The following CDIN1 variants were observed in gnomAD, a reference collection of about 807,000 sequenced individuals.
The protein encoded by CDIN1 is CDAN1 interacting nuclease 1.
In CDIN1, 33 loss-of-function variants were observed where a neutral mutation model predicts 45.3. That is an observed-to-expected ratio of 0.73 (90% CI 0.55 to 0.97). The LOEUF (loss-of-function observed/expected upper bound fraction) is 0.97. Ranked by LOEUF, CDIN1 falls within the 50% of genes least tolerant of loss-of-function variation. CDIN1 has a pLI of 0.00. For missense variants in CDIN1, 303 were observed against 339.4 expected (o/e 0.89, Z 0.84); for synonymous variants, 118 against 124.4 (o/e 0.95, Z 0.34).
intron 1 of CDIN1, among the ~76,000 whole-genome samples, chr15:36,587,480 G>T (rs1375980321): frequency 1.3e-5 from 2 of 151,974 alleles, no homozygotes; most frequent in African/African-American, 4.8e-5. Flanking sequence ...GGTTCTTGGT[G>T]GTGAACTTAG....
At chr15:36,804,575 C>T (rs1054331856) in intron 10 of CDIN1, 2 of 150,512 alleles carry the variant, frequency 1.3e-5, no homozygotes, top group African/African-American at 4.9e-5. Flanking sequence ...GAGGGATACT[C>T]ACTAGGAAAC....
chr15:36,591,391 T>C (rs2140188079), intron 1 of CDIN1, among the ~76,000 whole-genome samples: 1 of 152,300 alleles, frequency 6.6e-6, no homozygotes, highest in East Asian at 1.9e-4. Context: ...GCTAAGATGG[T>C]AAATGGACTG....
intron 1 of CDIN1, 55 bp from the exon 2 acceptor site, chr15:36,644,223 G>T (rs377728855): frequency 3.2e-6 from 5 of 1,551,078 alleles, no homozygotes; most frequent in Non-Finnish European, 3.6e-6. Context: ...TTTCTCTTTT[G>T]TTTCTTTGCC....
intron 10 of CDIN1, among the ~76,000 whole-genome samples, chr15:36,794,257 A>G (rs2054731097): frequency 6.6e-6 from 1 of 151,922 alleles, no homozygotes; most frequent in Non-Finnish European, 1.5e-5. Flanking sequence ...GACGGGTTTC[A>G]CTGTGTTAGC....
chr15:36,605,072 A>G (rs74008666), intron 1 of CDIN1, among the ~76,000 whole-genome samples: 5,603 of 152,288 alleles, frequency 0.037, 359 homozygotes, highest in African/African-American at 0.13. Context: ...TGATGATTAT[A>G]TCAGACTTTC....
At chr15:36,596,449 G>A (rs942936922) in intron 1 of CDIN1, among the ~76,000 whole-genome samples, 1 of 152,010 alleles carries the variant, frequency 6.6e-6, no homozygotes, top group South Asian at 2.1e-4. Flanking sequence ...ATAAAGTGGA[G>A]TTTTTCTTAG....
chr15:36,647,976 A>T (rs550727807), intron 3 of CDIN1, among the ~76,000 whole-genome samples: 3 of 151,822 alleles, frequency 2.0e-5, no homozygotes, highest in African/African-American at 7.2e-5. Context: ...GGTGGCTGGG[A>T]CTACAGGTGC....
At chr15:36,632,183 C>T (rs2381819) in intron 1 of CDIN1, among the ~76,000 whole-genome samples, 11,521 of 152,176 alleles carry the variant, frequency 0.076, 478 homozygotes, top group Middle Eastern at 0.13. Context: ...TCCAAAGCGG[C>T]TACACCATTT....
At chr15:36,625,465 A>G (rs1433229480) in intron 1 of CDIN1, among the ~76,000 whole-genome samples, 2 of 152,346 alleles carry the variant, frequency 1.3e-5, no homozygotes, top group South Asian at 2.1e-4. Flanking sequence ...GATTTCATAC[A>G]TTGAAGAATT....
chr15:36,672,715 T>A (rs2041496664), intron 5 of CDIN1, among the ~76,000 whole-genome samples: 1 of 151,872 alleles, frequency 6.6e-6, no homozygotes, highest in Non-Finnish European at 1.5e-5. Flanking sequence ...AATGGCTAAC[T>A]TTTCACCAAT....
chr15:36,635,298 T>C (rs1250292201), intron 1 of CDIN1, among the ~76,000 whole-genome samples: 1 of 152,230 alleles, frequency 6.6e-6, no homozygotes, highest in African/African-American at 2.4e-5. Context: ...TTTCAGCCTT[T>C]AGATTTTTTA....
intron 10 of CDIN1, among the ~76,000 whole-genome samples, chr15:36,791,842 G>T (rs11639388): frequency 0.86 from 130,724 of 152,128 alleles, 59,713 homozygotes; most frequent in Non-Finnish European, 1. Flanking sequence ...GGCTGACAGG[G>T]ACTACACCTA....
At chr15:36,698,077 A>C (rs1235864189) in intron 8 of CDIN1, among the ~76,000 whole-genome samples, 1 of 152,182 alleles carries the variant, frequency 6.6e-6, no homozygotes, top group African/African-American at 2.4e-5. Context: ...TTATTATTAT[A>C]CAGATCTGTT....
At chr15:36,716,416 A>C (rs1364393637) in intron 10 of CDIN1, among the ~76,000 whole-genome samples, 1 of 152,178 alleles carries the variant, frequency 6.6e-6, no homozygotes, top group African/African-American at 2.4e-5. Flanking sequence ...AGAGTTTACC[A>C]ATATCGGGAG....
chr15:36,785,424 A>C (rs970412274), intron 10 of CDIN1, among the ~76,000 whole-genome samples: 1 of 150,814 alleles, frequency 6.6e-6, no homozygotes, highest in Non-Finnish European at 1.5e-5. Flanking sequence ...TTGGATAATC[A>C]CTAACATTCT....
chr15:36,693,945 A>G (rs1017236871), intron 7 of CDIN1, among the ~76,000 whole-genome samples: 5 of 152,208 alleles, frequency 3.3e-5, no homozygotes, highest in Non-Finnish European at 2.9e-5. Context: ...AATGTAGTAC[A>G]TGATTTCAAT....
At chr15:36,726,409 C>G (rs987822509) in intron 10 of CDIN1, among the ~76,000 whole-genome samples, 9 of 152,196 alleles carry the variant, frequency 5.9e-5, no homozygotes, top group Non-Finnish European at 5.9e-5. Context: ...ACTGACAGCC[C>G]CCCATCCTGC....
Position 36,669,796 on chromosome 15 carries a change from T to C in CDIN1, c.346+11891T>C, listed in dbSNP as rs185843238. On this transcript the variant is annotated intron_variant, in intron 5 of 10. Coordinates refer to ENST00000566621, the MANE Select transcript of CDIN1 (RefSeq NM_001321759.2). ...TGTGTCTAAGGTTTTTCTCATAGAT[T>C]TGGGGAAGAATAAGGTGAAGTTCCC... 1.6e-3 allele frequency among the ~76,000 whole-genome samples: 249 copies of C among 152,234 alleles called. 4 individuals carry two copies. The highest frequency in any genetic ancestry group is 6.2e-4 in the South Asian group (3 of 4,828).
intron 10 of CDIN1, among the ~76,000 whole-genome samples, chr15:36,784,607 T>C (rs2054441290): frequency 6.6e-6 from 1 of 152,238 alleles, no homozygotes; most frequent in South Asian, 2.1e-4. Context: ...ATCTATCTTA[T>C]TCTGTGGATA....
Sources: allele counts gnomAD v4.1 joint callset (sites outside exome capture counted in the v4.1 genomes callset), GRCh38; gene constraint gnomAD v4.1.1; transcripts MANE v1.5; gene names NCBI Gene and HGNC (gene_info 2026-07-23, HGNC 2026-07-21).